Variants in ARPC1A observed in about 807,000 individuals in gnomAD.
ARPC1A encodes actin-related protein 2/3 complex subunit 1A.
A neutral mutation model predicts 46.9 loss-of-function variants in ARPC1A; 8 were observed. The ratio of observed to expected loss-of-function variants is 0.17; its 90% CI spans 0.10 to 0.31. The LOEUF (loss-of-function observed/expected upper bound fraction) is 0.31. ARPC1A is among the 10% of genes least tolerant of loss of function. ARPC1A has a pLI of 1.00. For missense variants in ARPC1A, 286 were observed against 483.6 expected (o/e 0.59, Z 3.83); for synonymous variants, 152 against 169.0 (o/e 0.90, Z 0.78).
At chr7:99,328,644 TGATA>T (rs1193276360) in intron 1 of ARPC1A, among the ~76,000 whole-genome samples, 4 of 151,820 alleles carry the variant, frequency 2.6e-5, no homozygotes, top group Non-Finnish European at 5.9e-5. Context: ...CTGTACTCAG[TGATA>T]GATAAAGAAA....
At chr7:99,350,341 C>A (rs1793526370) in intron 5 of ARPC1A, among the ~76,000 whole-genome samples, 2 of 152,168 alleles carry the variant, frequency 1.3e-5, no homozygotes, top group South Asian at 4.1e-4. Flanking sequence ...GCAGTCTCTG[C>A]AAATTCCAAA....
chr7:99,366,158 C>T lies in ARPC1A; in HGVS notation c.*229C>T. The T allele has an allele frequency of 1.8e-6, 1 of 540,678 alleles. No homozygotes were observed. Among genetic ancestry groups the T allele is most frequent in the East Asian group, 3.1e-5 (1 of 31,872 alleles). 33.5% of individuals were successfully genotyped at this position (540,678 alleles called of 1,614,324 possible). ...CATTCCATTCTTGACCAAAGCTTCTCTTTAAGTAGTTTATTATGGAAAATT... is the reference window on the plus strand; with the variant it reads ...CATTCCATTCTTGACCAAAGCTTCTTTTTAAGTAGTTTATTATGGAAAATT... On this transcript the variant is annotated 3_prime_UTR_variant, in exon 10 of 10. Coordinates refer to ENST00000262942, the MANE Select transcript of ARPC1A (RefSeq NM_006409.4).
chr7:99,329,020 GC>G (rs1281246120), intron 1 of ARPC1A, among the ~76,000 whole-genome samples: 4 of 151,900 alleles, frequency 2.6e-5, no homozygotes, highest in African/African-American at 7.3e-5. Flanking sequence ...GGGATGAGGG[GC>G]AGGGCGCGGT....
intron 7 of ARPC1A, 38 bp from the exon 8 acceptor site, chr7:99,359,507 C>T (rs779625809): frequency 1.2e-6 from 2 of 1,605,866 alleles, no homozygotes; most frequent in East Asian, 2.2e-5. Context: ...GGGCGGTGGG[C>T]AGTGCATCCT....
At chr7:99,334,286 C>T (rs1245590761) in intron 2 of ARPC1A, among the ~76,000 whole-genome samples, 5 of 151,624 alleles carry the variant, frequency 3.3e-5, no homozygotes, top group Non-Finnish European at 7.4e-5. Context: ...CGCTTGAATC[C>T]GGGAGGCAGA....
At chr7:99,334,471 C>A (rs1793205409) in intron 2 of ARPC1A, among the ~76,000 whole-genome samples, 1 of 152,106 alleles carries the variant, frequency 6.6e-6, no homozygotes, top group Non-Finnish European at 1.5e-5. Context: ...GCTTGTACTT[C>A]TGCTGTTGTA....
intron 2 of ARPC1A, among the ~76,000 whole-genome samples, chr7:99,334,260 G>T (rs897697473): frequency 2.0e-5 from 3 of 152,026 alleles, no homozygotes; most frequent in East Asian, 1.9e-4. Flanking sequence ...TACTCAGGAG[G>T]CTGTGGCAGG....
chr7:99,337,211 C>T (rs1793269420), intron 2 of ARPC1A, among the ~76,000 whole-genome samples: 2 of 152,202 alleles, frequency 1.3e-5, no homozygotes, highest in South Asian at 2.1e-4. Context: ...TACCTGAGGT[C>T]GGGAGTTTGA....
chr7:99,360,576 C>T (rs140896835), intron 8 of ARPC1A, among the ~76,000 whole-genome samples: 1,538 of 152,224 alleles, frequency 0.01, 21 homozygotes, highest in African/African-American at 0.035. Context: ...ATCCAACCAC[C>T]TCAGCCTCCC....
chr7:99,334,004 TACAC>T (rs547756931), intron 2 of ARPC1A, among the ~76,000 whole-genome samples: 2,119 of 141,304 alleles, frequency 0.015, 30 homozygotes, highest in African/African-American at 0.047. Context: ...TGTGTGTGTG[TACAC>T]ACACACACAC....
chr7:99,354,573 C>G (rs370232605), intron 6 of ARPC1A, among the ~76,000 whole-genome samples: 1 of 151,376 alleles, frequency 6.6e-6, no homozygotes, highest in Non-Finnish European at 1.5e-5. Flanking sequence ...GCAGGCAGGC[C>G]TCAGTGGCTC....
chr7:99,343,480 A>G (rs1193545910), intron 3 of ARPC1A, among the ~76,000 whole-genome samples: 3 of 151,482 alleles, frequency 2.0e-5, no homozygotes, highest in African/African-American at 4.8e-5. Context: ...AAAAAAAAAG[A>G]AAGAAAAGAA....
intron 1 of ARPC1A, among the ~76,000 whole-genome samples, chr7:99,332,590 T>C (rs1224670798): frequency 6.6e-6 from 1 of 152,010 alleles, no homozygotes; most frequent in Admixed American, 6.6e-5. Context: ...GGTTAAGTTT[T>C]GACAATGAGA....
chr7:99,332,424 C>T (rs888006903), intron 1 of ARPC1A, among the ~76,000 whole-genome samples: 4 of 152,066 alleles, frequency 2.6e-5, no homozygotes, highest in Non-Finnish European at 5.9e-5. Flanking sequence ...ATTTCTTCAA[C>T]GTAAAGGCAT....
At chr7:99,349,265 A>G (rs1793510801) in intron 5 of ARPC1A, among the ~76,000 whole-genome samples, 1 of 151,920 alleles carries the variant, frequency 6.6e-6, no homozygotes, top group Non-Finnish European at 1.5e-5. Flanking sequence ...GTCTTGCTAC[A>G]TTGCCCAGGT....
chr7:99,326,483 CCTT>C (rs901753250), intron 1 of ARPC1A, among the ~76,000 whole-genome samples: 3 of 152,192 alleles, frequency 2.0e-5, no homozygotes, highest in Non-Finnish European at 2.9e-5. Flanking sequence ...TCGAGAAAAA[CCTT>C]CTCCCGAGTT....
At chr7:99,349,061 T>G in intron 5 of ARPC1A, 102 bp downstream of exon 5, 1 of 1,242,758 alleles carries the variant, frequency 8.0e-7, no homozygotes, top group African/African-American at 1.5e-5. Context: ...GTTGTGGTTG[T>G]TGTTGTTTTG....
intron 8 of ARPC1A, among the ~76,000 whole-genome samples, chr7:99,360,811 C>G (rs955104290): frequency 6.6e-6 from 1 of 151,988 alleles, no homozygotes; most frequent in Non-Finnish European, 1.5e-5. Flanking sequence ...CATGGTGGTA[C>G]ACACCTGTAA....
Position 99,338,273 on chromosome 7 carries a change from G to A in ARPC1A, c.157G>A (p.Gly53Arg), listed in dbSNP as rs763123089. ...AGCTCATGAACTCAAGGAGCACAAC[G>A]GACACATCACAGGTAAAGGAAGATA... is the stretch of plus-strand genomic sequence containing the variant. ...VKAHELKEHN[G>R]HITGIDWAPK... Residue 53 changes from glycine to arginine, a missense_variant, in exon 3 of 10, where the codon GGA becomes AGA. Coordinates refer to ENST00000262942, the MANE Select transcript of ARPC1A (RefSeq NM_006409.4). 5 of 1,605,180 alleles carry A rather than the reference G, an allele frequency of 3.1e-6. No individual in the cohort carries two copies. Among genetic ancestry groups the A allele is most frequent in the Admixed American group, 1.7e-5 (1 of 59,670 alleles).
Sources: allele counts gnomAD v4.1 joint callset (sites outside exome capture counted in the v4.1 genomes callset), GRCh38; gene constraint gnomAD v4.1.1; transcripts MANE v1.5; gene names NCBI Gene and HGNC (gene_info 2026-07-23, HGNC 2026-07-21).